The following COL4A6 variants were observed in gnomAD, a reference collection of about 807,000 sequenced individuals.
The protein encoded by COL4A6 is collagen alpha-6(IV) chain.
COL4A6 carries 59 observed loss-of-function variants against 126.7 expected under a neutral mutation model. The ratio of observed to expected loss-of-function variants is 0.47; its 90% confidence interval spans 0.38 to 0.58. COL4A6 has a LOEUF of 0.58. Ranked by LOEUF, COL4A6 falls within the 20% of genes least tolerant of loss-of-function variation. The pLI, the probability that COL4A6 is intolerant of heterozygous loss-of-function variation, is 0.00. For synonymous variants in COL4A6, 547 were observed against 496.6 expected (o/e 1.10, Z -1.35); for missense variants, 1,285 against 1,337.3 (o/e 0.96, Z 0.61).
At chrX:108,258,724 T>C (rs948159044) in intron 3 of COL4A6, among the ~76,000 whole-genome samples, 1 of 111,985 alleles carries the variant, frequency 8.9e-6, no homozygotes, top group African/African-American at 3.2e-5. Flanking sequence ...TAAATGATAA[T>C]GCCATTAACC....
At chrX:108,388,890 G>C (rs2040765372) in intron 2 of COL4A6, among the ~76,000 whole-genome samples, 1 of 111,689 alleles carries the variant, frequency 9.0e-6, no homozygotes, top group Non-Finnish European at 1.9e-5. Context: ...GCTTTAATGT[G>C]TCCCAGTGAT....
chrX:108,374,687 G>T (rs190682589), intron 2 of COL4A6, among the ~76,000 whole-genome samples: 169 of 112,038 alleles, frequency 1.5e-3, no homozygotes, highest in African/African-American at 5.3e-3. Flanking sequence ...CAAAGAAAAA[G>T]AGTTAGAATC....
At chrX:108,284,129 C>T (rs2037936288) in intron 3 of COL4A6, among the ~76,000 whole-genome samples, 1 of 111,938 alleles carries the variant, frequency 8.9e-6, no homozygotes, top group Non-Finnish European at 1.9e-5. Flanking sequence ...TAGGTTTAAC[C>T]CACTGAAAAG....
At chrX:108,241,780 A>G (rs917514267) in intron 3 of COL4A6, among the ~76,000 whole-genome samples, 2 of 108,582 alleles carry the variant, frequency 1.8e-5, no homozygotes, top group African/African-American at 6.7e-5. Flanking sequence ...TCAAAATAGA[A>G]TCCATTTTCT....
chrX:108,428,134 A>G (rs1308424964), intron 2 of COL4A6, among the ~76,000 whole-genome samples: 2 of 111,075 alleles, frequency 1.8e-5, no homozygotes, highest in Admixed American at 1.9e-4. Flanking sequence ...TTGGGCCACA[A>G]ATAAAATACA....
chrX:108,277,301 C>T (rs2037636595), intron 3 of COL4A6, among the ~76,000 whole-genome samples: 1 of 112,054 alleles, frequency 8.9e-6, no homozygotes, highest in Non-Finnish European at 1.9e-5. Context: ...CTGCGCTTTT[C>T]CGGTGGGCTT....
rs1417208384 is a variant in COL4A6, at chrX:108,417,432, T to C, written c.63+20510A>G. On this transcript the variant is annotated intron_variant, in intron 2 of 44. Transcript: ENST00000334504. Reference sequence around the variant, plus strand: ...GTATTAGTAGTAGCAGTAATTAATGTACATAGAATGGCCTAAACTATGTTC... The same window carrying C: ...GTATTAGTAGTAGCAGTAATTAATGCACATAGAATGGCCTAAACTATGTTC... Among the ~76,000 whole-genome samples the C allele has an allele frequency of 3.6e-5, 4 of 112,279 alleles. No homozygotes were observed. In the Admixed American group the frequency reaches 3.8e-4, roughly 11 times the overall value.
chrX:108,192,607 A>G, intron 17 of COL4A6, 27 bp from the exon 18 acceptor site: 3 of 1,051,401 alleles, frequency 2.9e-6, no homozygotes, highest in Non-Finnish European at 3.9e-6. Context: ...AGAAAATAGT[A>G]AATAAAGACA....
chrX:108,363,949 C>T (rs2040143499), intron 2 of COL4A6, among the ~76,000 whole-genome samples: 1 of 110,892 alleles, frequency 9.0e-6, no homozygotes, highest in Non-Finnish European at 1.9e-5. Flanking sequence ...TGGCTCATTG[C>T]AAACCTCTGC....
chrX:108,200,639 A>G (rs746075122), intron 13 of COL4A6, among the ~76,000 whole-genome samples: 4 of 111,697 alleles, frequency 3.6e-5, no homozygotes, highest in Non-Finnish European at 7.5e-5. Context: ...AGGTTGGTTA[A>G]TGGGTACAAA....
chrX:108,288,892 C>G (rs1488604997), intron 3 of COL4A6, among the ~76,000 whole-genome samples: 1 of 111,436 alleles, frequency 9.0e-6, no homozygotes, highest in Admixed American at 9.6e-5. Flanking sequence ...ATGTGAGACA[C>G]TGAGAAGGAC....
chrX:108,263,470 C>T (rs2037219138), intron 3 of COL4A6, among the ~76,000 whole-genome samples: 1 of 112,007 alleles, frequency 8.9e-6, no homozygotes, highest in South Asian at 3.7e-4. Flanking sequence ...CCATCAACAT[C>T]TTCCTGTGTG....
intron 3 of COL4A6, among the ~76,000 whole-genome samples, chrX:108,306,833 A>G (rs2038636635): frequency 9.0e-6 from 1 of 111,593 alleles, no homozygotes; most frequent in Non-Finnish European, 1.9e-5. Flanking sequence ...GTTTTGGATT[A>G]TCTGTGATAA....
chrX:108,358,504 C>T (rs2040006797), intron 2 of COL4A6, among the ~76,000 whole-genome samples: 1 of 108,986 alleles, frequency 9.2e-6, no homozygotes, highest in Admixed American at 9.8e-5. Flanking sequence ...AAGCAATTCT[C>T]CTGCCTCAGC....
intron 5 of COL4A6, among the ~76,000 whole-genome samples, chrX:108,215,504 C>T (rs963979940): frequency 7.2e-5 from 8 of 111,551 alleles, no homozygotes; most frequent in Admixed American, 5.7e-4. Context: ...ACTCTATCTC[C>T]CTCAGATCTA....
At position 108,202,924 on chromosome X, in the gene COL4A6, T is replaced by C. The variant is rs1056530544; in HGVS notation, c.834+4A>G. 2 of 1,207,507 alleles carry C rather than the reference T, an allele frequency of 1.7e-6. No individual in the cohort carries two copies. On this transcript the variant is annotated splice_donor_region_variant and intron_variant, in intron 13 of 44. Transcript: ENST00000334504. ...ATACATATTGATCAAATAGAGAGAC[T>C]TACCGGGAAGCCTGGAGGGCCACTT... is the stretch of plus-strand genomic sequence containing the variant.
At chrX:108,439,445 A>AC (rs2064341600), upstream of COL4A6, 1 of 540,676 alleles carries the variant, frequency 1.8e-6, no homozygotes, top group Admixed American at 5.2e-5. Flanking sequence ...GAGCAGCTGG[A>AC]AGGTAAAGAA....
chrX:108,246,195 CCTGT>C (rs1183564842), intron 3 of COL4A6, among the ~76,000 whole-genome samples: 3 of 111,810 alleles, frequency 2.7e-5, no homozygotes, highest in African/African-American at 9.8e-5. Context: ...GGGCAGATAA[CCTGT>C]CTGTGTCTGT....
At chrX:108,343,157 A>AGTG (rs1259891655) in intron 2 of COL4A6, among the ~76,000 whole-genome samples, 1 of 73,855 alleles carries the variant, frequency 1.4e-5, no homozygotes, top group African/African-American at 5.2e-5. Flanking sequence ...ATATATATAT[A>AGTG]TATATATAGT....
Sources: gnomAD v4.1 joint callset for allele counts (sites outside exome capture counted in the v4.1 genomes callset) on GRCh38, gnomAD v4.1.1 for gene constraint, MANE v1.5 for transcripts, NCBI Gene and HGNC (gene_info 2026-07-23, HGNC 2026-07-21) for gene names.